Variants in KDM5A observed in about 807,000 individuals in gnomAD.
KDM5A encodes the protein lysine demethylase 5A.
Under a neutral mutation model 193.5 loss-of-function variants are expected in KDM5A, and 42 were observed. The ratio of observed to expected loss-of-function variants is 0.22; its 90% CI spans 0.17 to 0.28. KDM5A has a LOEUF of 0.28. KDM5A is among the 10% of genes least tolerant of loss of function. The probability of loss-of-function intolerance (pLI) is 1.00; values close to 1 mark genes in which losing one functional copy is unlikely to be tolerated. For synonymous variants in KDM5A, 796 were observed against 718.1 expected, an observed-to-expected ratio of 1.11 and a Z score of -1.73; for missense variants, 1,692 against 2,055.1, an observed-to-expected ratio of 0.82 and a Z score of 3.42.
chr12:333,970 G>A (rs570278834), intron 11 of KDM5A, among the ~76,000 whole-genome samples: 4 of 152,172 alleles, frequency 2.6e-5, no homozygotes, highest in Non-Finnish European at 5.9e-5. Context: ...CCCAAAGGAT[G>A]CTGACACATG....
intron 24 of KDM5A, among the ~76,000 whole-genome samples, chr12:299,840 G>A (rs1309105148): frequency 1.3e-5 from 2 of 151,800 alleles, no homozygotes; most frequent in Non-Finnish European, 2.9e-5. Context: ...ATAAAGGGAT[G>A]GAGGAAGATC....
At chr12:306,231 C>T (rs528552055) in intron 24 of KDM5A, among the ~76,000 whole-genome samples, 1 of 152,020 alleles carries the variant, frequency 6.6e-6, no homozygotes, top group African/African-American at 2.4e-5. Context: ...CCTCAGTCTC[C>T]CCTAAATTGT....
intron 3 of KDM5A, among the ~76,000 whole-genome samples, chr12:374,979 C>T (rs1320903756): frequency 6.6e-6 from 1 of 152,110 alleles, no homozygotes; most frequent in Non-Finnish European, 1.5e-5. Context: ...TTGTGGGTAA[C>T]CCGATCTTTC....
intron 10 of KDM5A, among the ~76,000 whole-genome samples, chr12:344,882 C>T (rs915708670): frequency 3.3e-5 from 5 of 152,162 alleles, no homozygotes; most frequent in Non-Finnish European, 5.9e-5. Context: ...AACCAGCAAA[C>T]ATCATAATGA....
chr12:331,393 A>T (rs1379865479), intron 13 of KDM5A, among the ~76,000 whole-genome samples: 2 of 152,376 alleles, frequency 1.3e-5, no homozygotes, highest in East Asian at 3.9e-4. Context: ...GTCTTCCCTT[A>T]GAAAAGAAGG....
chr12:366,178 A>G, intron 3 of KDM5A, 74 bp from the exon 4 acceptor site: 1 of 1,302,920 alleles, frequency 7.7e-7, no homozygotes, highest in South Asian at 1.3e-5. Context: ...CTTGTCTACT[A>G]AATAGAAAAA....
chr12:370,624 T>C (rs562641346), intron 3 of KDM5A, among the ~76,000 whole-genome samples: 3 of 152,080 alleles, frequency 2.0e-5, no homozygotes, highest in East Asian at 3.9e-4. Context: ...TTTTTTTTTT[T>C]AATTATACTT....
intron 24 of KDM5A, among the ~76,000 whole-genome samples, chr12:299,854 C>A (rs1488381967): frequency 2.6e-5 from 4 of 151,396 alleles, no homozygotes; most frequent in Non-Finnish European, 5.9e-5. Flanking sequence ...GAAGATCTAC[C>A]AAGCAAATGG....
Position 295,783 on chromosome 12 carries a change from G to C in KDM5A, c.4245C>G (p.Thr1415=). The C allele has an allele frequency of 6.2e-7, 1 of 1,613,750 alleles. No individual in the cohort carries two copies. The highest frequency in any genetic ancestry group is 2.2e-5 in the East Asian group (1 of 44,868). The stretch of plus-strand genomic sequence containing the variant: ...GGCTCTTCCGAGGTTGTTTCCTTGG[G>C]GTGCTAGAACCTTTCCCAAAAAATA... ...ASKSCSQGSS[T]PRKQPRKSPL... is the part of the protein sequence containing the mutation. Residue 1415 remains threonine (T), a synonymous_variant, in exon 26 of 28, where the codon ACC becomes ACG. Coordinates refer to ENST00000399788, the MANE Select transcript of KDM5A (RefSeq NM_001042603.3).
intron 5 of KDM5A, 47 bp downstream of exon 5, chr12:362,916 G>A (rs1335619977): frequency 6.4e-7 from 1 of 1,574,228 alleles, no homozygotes; most frequent in Admixed American, 1.7e-5. Context: ...AACATCAGGA[G>A]ACTACATCTT....
chr12:311,083 T>G lies in KDM5A; in HGVS notation c.3037-19A>C. 6.2e-7 allele frequency: 1 copy of G among 1,613,828 alleles called. No individual in the cohort carries two copies. Among genetic ancestry groups the G allele is most frequent in the Non-Finnish European group, 8.5e-7 (1 of 1,179,746 alleles). On this transcript the variant is annotated intron_variant, in intron 20 of 27. Transcript: ENST00000399788. ...TGCCACTCTGAAAAACCAAAGTAGA[T>G]TCTCACAATTTGAGTTCTCTTATGG...
At chr12:326,864 CAAAAAAAAAAAA>C (rs61571425) in intron 14 of KDM5A, among the ~76,000 whole-genome samples, 5 of 86,006 alleles carry the variant, frequency 5.8e-5, no homozygotes, top group Admixed American at 1.5e-4. Flanking sequence ...GACTCTGTCT[CAAAAAAAAAAAA>C]AAAAAAAAAA....
At chr12:376,569 T>C (rs1031808454) in intron 3 of KDM5A, among the ~76,000 whole-genome samples, 1 of 152,176 alleles carries the variant, frequency 6.6e-6, no homozygotes, top group African/African-American at 2.4e-5. Context: ...ACACGCTCGG[T>C]GGGCTGCAGC....
chr12:305,306 C>T (rs1943490720), intron 24 of KDM5A, among the ~76,000 whole-genome samples: 1 of 152,120 alleles, frequency 6.6e-6, no homozygotes, highest in Non-Finnish European at 1.5e-5. Context: ...TTTGAACAGT[C>T]TAATTCAAGT....
chr12:294,508 A>C (rs181658246), intron 26 of KDM5A, among the ~76,000 whole-genome samples: 1 of 152,362 alleles, frequency 6.6e-6, no homozygotes, highest in Non-Finnish European at 1.5e-5. Flanking sequence ...GTGCTTCCTT[A>C]TCAGTAAAAG....
intron 26 of KDM5A, among the ~76,000 whole-genome samples, chr12:295,362 G>GAGAA (rs1243319551): frequency 4.7e-4 from 69 of 145,654 alleles, no homozygotes; most frequent in African/African-American, 1.6e-3. Flanking sequence ...AAGAGAAAGA[G>GAGAA]AGAAAGAAAG....
At chr12:324,641 G>C (rs1285647201) in intron 14 of KDM5A, among the ~76,000 whole-genome samples, 1 of 152,176 alleles carries the variant, frequency 6.6e-6, no homozygotes, top group Non-Finnish European at 1.5e-5. Flanking sequence ...GGGAGGCCGA[G>C]GTAGGCAGAT....
In KDM5A at chr12:333,466, G is replaced by A. The variant is rs776535143; in HGVS notation, c.1653+21C>T. ...ACAAACAAACAAACAAACAACTGAA[G>A]GAAGACACCAAAAGACTCACAGGCA... is the stretch of plus-strand genomic sequence containing the variant. On this transcript the variant is annotated intron_variant, in intron 12 of 27. Transcript: ENST00000399788. The A allele has an allele frequency of 1.6e-5, 26 of 1,613,314 alleles. No homozygotes were observed. In the African/African-American group the frequency reaches 3.3e-4, roughly 21 times the overall value.
At chr12:332,269 G>C (rs542266706) in intron 12 of KDM5A, among the ~76,000 whole-genome samples, 5 of 152,230 alleles carry the variant, frequency 3.3e-5, no homozygotes, top group African/African-American at 1.2e-4. Context: ...ATCGTAAATA[G>C]TGGCAAAGAA....
Sources: gnomAD v4.1 joint callset for allele counts (sites outside exome capture counted in the v4.1 genomes callset) on GRCh38, gnomAD v4.1.1 for gene constraint, MANE v1.5 for transcripts, NCBI Gene and HGNC (gene_info 2026-07-23, HGNC 2026-07-21) for gene names.